FGF13: variants seen among roughly 807,000 people sequenced by gnomAD.
FGF13 encodes the protein fibroblast growth factor homologous factor 2.
FGF13 carries 2 observed loss-of-function variants against 19.5 expected under a neutral mutation model. That is an observed-to-expected ratio of 0.10 (90% CI 0.04 to 0.32). The LOEUF (loss-of-function observed/expected upper bound fraction) is 0.32. Among genes scored for constraint, FGF13 ranks in the 10% least tolerant of loss-of-function variants. FGF13 has a pLI of 1.00. For synonymous variants in FGF13, 72 were observed against 76.9 expected (o/e 0.94, Z 0.33); for missense variants, 113 against 192.7 (o/e 0.59, Z 2.45).
rs774694082 is a variant in FGF13, at chrX:139,063,922, T to A, written c.-113+139494A>T. Among the ~76,000 whole-genome samples, 4 of 111,583 alleles carry A rather than the reference T, an allele frequency of 3.6e-5. No homozygotes were observed. The East Asian group carries it at 8.4e-4, about 23-fold the overall frequency. On this transcript the variant is annotated intron_variant, in intron 1 of 2. Transcript: ENST00000421460. ...AATACTTGTTTGCTTGATCTATCAG[T>A]TTATACGAGTACAGTATGTTAAAAT...
intron 1 of FGF13, among the ~76,000 whole-genome samples, chrX:139,190,058 T>C (rs917079917): frequency 3.6e-5 from 4 of 111,683 alleles, no homozygotes; most frequent in Non-Finnish European, 7.5e-5. Flanking sequence ...AAAGCTGTTC[T>C]TGCCTTTGTG....
chrX:139,073,834 T>C (rs2092384601), intron 1 of FGF13, among the ~76,000 whole-genome samples: 1 of 112,586 alleles, frequency 8.9e-6, no homozygotes. Flanking sequence ...CCTATCACAA[T>C]TGGACACCGT....
intron 2 of FGF13, among the ~76,000 whole-genome samples, chrX:138,706,077 C>A (rs2089989436): frequency 8.9e-6 from 1 of 112,182 alleles, no homozygotes; most frequent in Non-Finnish European, 1.9e-5. Context: ...AACACTGAAG[C>A]CATGCTTCTT....
At chrX:139,180,972 T>A (rs2084233713) in intron 1 of FGF13, among the ~76,000 whole-genome samples, 1 of 112,323 alleles carries the variant, frequency 8.9e-6, no homozygotes, top group South Asian at 3.7e-4. Flanking sequence ...AAAAGATGAC[T>A]GATAAACAAG....
chrX:139,159,261 T>C (rs1315416153), intron 1 of FGF13, among the ~76,000 whole-genome samples: 1 of 111,844 alleles, frequency 8.9e-6, no homozygotes, highest in East Asian at 2.8e-4. Context: ...TAAAATACTT[T>C]ACAGACAGCC....
At chrX:139,169,259 C>G (rs1314550941) in intron 1 of FGF13, among the ~76,000 whole-genome samples, 1 of 111,834 alleles carries the variant, frequency 8.9e-6, no homozygotes, top group Non-Finnish European at 1.9e-5. Context: ...GCTATCTTCC[C>G]AAATATCCAA....
chrX:138,773,354 G>A (rs2090563165), intron 3 of FGF13, among the ~76,000 whole-genome samples: 2 of 111,994 alleles, frequency 1.8e-5, no homozygotes, highest in South Asian at 7.4e-4. Flanking sequence ...GAGGACAAAG[G>A]AGCAAAGGTG....
chrX:139,126,584 T>C (rs1251195192), intron 1 of FGF13, among the ~76,000 whole-genome samples: 1 of 111,409 alleles, frequency 9.0e-6, no homozygotes, highest in Non-Finnish European at 1.9e-5. Flanking sequence ...CAGGCTTGGC[T>C]GGCCTGTATT....
At chrX:138,798,620 G>A (rs1235656238) in intron 3 of FGF13, among the ~76,000 whole-genome samples, 1 of 111,773 alleles carries the variant, frequency 8.9e-6, no homozygotes, top group African/African-American at 3.3e-5. Flanking sequence ...TTATTGATTG[G>A]AATAGTTTCA....
At chrX:138,655,519 T>C (rs1230389089) in intron 3 of FGF13, among the ~76,000 whole-genome samples, 1 of 111,716 alleles carries the variant, frequency 9.0e-6, no homozygotes, top group Non-Finnish European at 1.9e-5. Flanking sequence ...GTTTAGATTG[T>C]GTATATAATT....
At chrX:138,650,460 T>G (rs1248607641) in intron 3 of FGF13, among the ~76,000 whole-genome samples, 3 of 111,829 alleles carry the variant, frequency 2.7e-5, no homozygotes, top group Admixed American at 9.5e-5. Context: ...ATCATGACAG[T>G]ACCTACAAGA....
chrX:138,858,018 A>G (rs972909725), intron 2 of FGF13, among the ~76,000 whole-genome samples: 3 of 112,077 alleles, frequency 2.7e-5, no homozygotes, highest in African/African-American at 9.7e-5. Context: ...ATTGAGTACA[A>G]TATAAGTATT....
chrX:138,995,303 G>C (rs2092037014), intron 1 of FGF13, among the ~76,000 whole-genome samples: 1 of 111,456 alleles, frequency 9.0e-6, no homozygotes, highest in Admixed American at 9.5e-5. Flanking sequence ...TTTTAATTTT[G>C]ATTTTTATTT....
intron 1 of FGF13, among the ~76,000 whole-genome samples, chrX:138,980,686 T>G (rs2091960138): frequency 1.9e-5 from 2 of 107,597 alleles, no homozygotes; most frequent in Admixed American, 2.0e-4. Context: ...TTTTTTTTTT[T>G]TTTTTTTTTT....
intron 1 of FGF13, among the ~76,000 whole-genome samples, chrX:139,173,731 C>T (rs1183044727): frequency 2.7e-5 from 3 of 111,813 alleles, no homozygotes; most frequent in African/African-American, 9.8e-5. Flanking sequence ...AGGCCATAAA[C>T]TCATCCTTTT....
intron 1 of FGF13, among the ~76,000 whole-genome samples, chrX:138,997,805 A>G (rs1414897678): frequency 8.9e-6 from 1 of 112,174 alleles, no homozygotes; most frequent in African/African-American, 3.2e-5. Flanking sequence ...AAGGCAGGCC[A>G]ACATTCAAAT....
At chrX:138,869,975 G>A (rs1245154518) in intron 1 of FGF13, among the ~76,000 whole-genome samples, 1 of 111,997 alleles carries the variant, frequency 8.9e-6, no homozygotes, top group East Asian at 2.8e-4. Context: ...ATTTTAGTTT[G>A]CTTACTCTTG....
At chrX:138,796,842 CCGCAT>C (rs1320115888) in intron 3 of FGF13, among the ~76,000 whole-genome samples, 1 of 112,064 alleles carries the variant, frequency 8.9e-6, no homozygotes, top group Non-Finnish European at 1.9e-5. Context: ...TGTTTGTTGG[CCGCAT>C]AAATGTCTTC....
intron 1 of FGF13, among the ~76,000 whole-genome samples, chrX:138,947,191 A>AT (rs1448381307): frequency 2.7e-5 from 3 of 112,171 alleles, no homozygotes; most frequent in Non-Finnish European, 5.6e-5. Context: ...CAGTATGAGT[A>AT]TATGATAAAT....
Sources: allele counts gnomAD v4.1 joint callset (sites outside exome capture counted in the v4.1 genomes callset), GRCh38; gene constraint gnomAD v4.1.1; transcripts MANE v1.5; gene names NCBI Gene and HGNC (gene_info 2026-07-23, HGNC 2026-07-21).